The following ZNF507 variants were observed in gnomAD, a reference collection of about 807,000 sequenced individuals.
The protein encoded by ZNF507 is zinc finger protein 507.
ZNF507 carries 29 observed loss-of-function variants against 80.0 expected under a neutral mutation model. The observed-to-expected ratio is 0.36, with a 90% CI of 0.27 to 0.49. ZNF507 has a LOEUF of 0.49. ZNF507 is among the 20% of genes least tolerant of loss of function. The probability of loss-of-function intolerance (pLI) is 0.98; values close to 1 mark genes in which losing one functional copy is unlikely to be tolerated. For missense variants in ZNF507, 1,081 were observed against 1,152.2 expected, an observed-to-expected ratio of 0.94 and a Z score of 0.90; for synonymous variants, 462 against 422.5, an observed-to-expected ratio of 1.09 and a Z score of -1.15.
chr19:32,366,817 A>G (rs992904620), intron 5 of ZNF507, among the ~76,000 whole-genome samples: 3 of 152,250 alleles, frequency 2.0e-5, no homozygotes, highest in Non-Finnish European at 2.9e-5. Context: ...GGTTGTACCT[A>G]TTCACATCCT....
chr19:32,385,572 T>C lies in ZNF507; in HGVS notation c.*2489T>C, dbSNP rs1244690556. 1 of 152,260 alleles carries C rather than the reference T, an allele frequency of 6.6e-6. No homozygotes were observed. Among genetic ancestry groups the C allele is most frequent in the African/African-American group, 2.4e-5 (1 of 41,464 alleles). The allele number at this position is 152,260 out of a possible 1,614,324, so 9.4% of individuals were successfully genotyped here. ...GCTCACACCTGTAATCCCAATACTT[T>C]AGAAGGCCAAGGCTGGAGGACTGCT... On this transcript the variant is annotated 3_prime_UTR_variant, in exon 7 of 7. Transcript: ENST00000355898.
At chr19:32,377,076 G>A (rs1213389507) in intron 5 of ZNF507, among the ~76,000 whole-genome samples, 1 of 152,178 alleles carries the variant, frequency 6.6e-6, no homozygotes, top group East Asian at 1.9e-4. Context: ...GCATCACAGG[G>A]AGATGGTTAG....
chr19:32,367,385 T>TTTTCTTACTGATTTGCAGGAGC (rs1967413043), intron 5 of ZNF507, among the ~76,000 whole-genome samples: 2 of 152,218 alleles, frequency 1.3e-5, no homozygotes. Context: ...TCATCGGCTG[T>TTTTCTTACTGATTTGCAGGAGC]TTTCTTACTG....
chr19:32,375,724 A>G (rs928667977), intron 5 of ZNF507, among the ~76,000 whole-genome samples: 3 of 152,224 alleles, frequency 2.0e-5, no homozygotes, highest in Admixed American at 6.5e-5. Context: ...CATCACTTTT[A>G]TTTATAATTT....
In ZNF507 at chr19:32,354,527, C is replaced by T; in HGVS notation, c.1697C>T (p.Ala566Val). ...SLNQSNSTLV[A>V]LPEGRQELSD... ...AACCAAAGCAACTCCACCTTGGTAGCACTCCCAGAGGGTAGGCAGGAATTG... is the reference window on the plus strand; with the variant it reads ...AACCAAAGCAACTCCACCTTGGTAGTACTCCCAGAGGGTAGGCAGGAATTG... The change falls in exon 3 of 7, where the codon GCA becomes GTA. Residue 566 changes from alanine to valine, a missense_variant. Physicochemically the swap from Ala to Val is moderately conservative, Grantham distance 64. Around this residue, in one of 6 missense-constraint regions of ZNF507, gnomAD observed 614 missense variants for 583.9 expected, o/e 1.05. Coordinates refer to ENST00000355898, the MANE Select transcript of ZNF507 (RefSeq NM_001136156.2). The T allele has an allele frequency of 6.2e-7, 1 of 1,614,166 alleles. No homozygotes were observed. The highest frequency in any genetic ancestry group is 1.1e-5 in the South Asian group (1 of 91,082).
chr19:32,373,222 G>A (rs1378000933), intron 5 of ZNF507, among the ~76,000 whole-genome samples: 3 of 151,594 alleles, frequency 2.0e-5, no homozygotes, highest in Non-Finnish European at 4.4e-5. Context: ...TTTCGGGGGG[G>A]GCACATACAT....
In ZNF507 at chr19:32,353,322, T is replaced by C. The variant is rs201252153; in HGVS notation, c.492T>C (p.Ser164=). ...TGTGCTCAGAGTGCCATATTACATCTAGAAGCCAGGAGGAACTTGAAGCCC... is the reference window on the plus strand; with the variant it reads ...TGTGCTCAGAGTGCCATATTACATCCAGAAGCCAGGAGGAACTTGAAGCCC... ...ILMCSECHIT[S]RSQEELEAHV... is the part of the protein sequence containing the mutation. The change falls in exon 3 of 7, where the codon TCT becomes TCC. Residue 164 remains serine, a synonymous_variant. Transcript: ENST00000355898. 2.6e-5 allele frequency: 42 copies of C among 1,614,092 alleles called. No individual in the cohort carries two copies. Among genetic ancestry groups the C allele is most frequent in the Non-Finnish European group, 3.5e-5 (41 of 1,180,044 alleles).
Position 32,382,879 on chromosome 19 carries a change from A to G in ZNF507, c.2658A>G (p.Thr886=). The part of the protein sequence containing the change: ...GTNENEKLSP[T]SNTSYSLEKI... ...ACGAGAATGAGAAACTGAGCCCTAC[A>G]AGTAATACCTCATATAGTTTAGAAA... The change falls in exon 7 of 7, where the codon ACA becomes ACG. Residue 886 remains threonine (T), a synonymous_variant. Transcript: ENST00000355898. 6.2e-7 allele frequency: 1 copy of G among 1,614,108 alleles called. No individual in the cohort carries two copies. The highest frequency in any genetic ancestry group is 8.5e-7 in the Non-Finnish European group (1 of 1,180,012).
chr19:32,351,152 T>C (rs1967157246), intron 2 of ZNF507, among the ~76,000 whole-genome samples: 1 of 152,152 alleles, frequency 6.6e-6, no homozygotes. Context: ...AGGGTAGCTG[T>C]CATTGTTGGA....
rs1967088507 is a variant in ZNF507, at chr19:32,345,788, CGCG to C, written c.-97+6_-97+8del. On this transcript the variant is annotated splice_donor_region_variant and intron_variant, in intron 1 of 6. Coordinates refer to ENST00000355898, the MANE Select transcript of ZNF507 (RefSeq NM_001136156.2). The stretch of plus-strand genomic sequence containing the variant: ...GCAGCCGCCGCCTGACCGCAGGTAC[CGCG>C]CCCCGGGGCCGCCCCTCCGCCCGCT... The C allele has an allele frequency of 6.5e-6, 1 of 154,426 alleles. No homozygotes were observed. The highest frequency in any genetic ancestry group is 1.9e-4 in the East Asian group (1 of 5,268). 9.6% of individuals were successfully genotyped at this position (154,426 alleles called of 1,614,324 possible).
chr19:32,369,503 A>G (rs1400507070), intron 5 of ZNF507, among the ~76,000 whole-genome samples: 1 of 152,146 alleles, frequency 6.6e-6, no homozygotes, highest in African/African-American at 2.4e-5. Context: ...TTTTTGGCCA[A>G]TGGATGGGTT....
chr19:32,348,963 A>G (rs1695212151), intron 2 of ZNF507, among the ~76,000 whole-genome samples: 2 of 152,222 alleles, frequency 1.3e-5, no homozygotes, highest in Non-Finnish European at 2.9e-5. Flanking sequence ...AATGAGGATA[A>G]TTCAAGGAAG....
chr19:32,366,292 A>G (rs190338662), intron 5 of ZNF507, among the ~76,000 whole-genome samples: 33 of 152,354 alleles, frequency 2.2e-4, no homozygotes, highest in Admixed American at 4.6e-4. Flanking sequence ...GAATAATCAC[A>G]AATTAAACTC....
At chr19:32,350,166 C>T (rs1042016117) in intron 2 of ZNF507, among the ~76,000 whole-genome samples, 2 of 149,938 alleles carry the variant, frequency 1.3e-5, no homozygotes, top group Non-Finnish European at 1.5e-5. Context: ...AACTTCCCCT[C>T]TGTGTATACT....
Position 32,356,913 on chromosome 19 carries a change from A to G in ZNF507, c.2245+180A>G, listed in dbSNP as rs191297668. On this transcript the variant is annotated intron_variant, in intron 4 of 6. Transcript: ENST00000355898. ...AAATGCCAAGTACTGAATGAAGCAGATGATTACTAGGTCCTAGGTGAGAAG... is the reference window on the plus strand; with the variant it reads ...AAATGCCAAGTACTGAATGAAGCAGGTGATTACTAGGTCCTAGGTGAGAAG... 8 of 595,334 alleles carry G rather than the reference A, an allele frequency of 1.3e-5. No individual in the cohort carries two copies. The Admixed American group carries it at 2.0e-4, about 15-fold the overall frequency. The allele number at this position is 595,334 out of a possible 1,614,324, so 36.9% of individuals were successfully genotyped here.
chr19:32,382,816 A>G lies in ZNF507; in HGVS notation c.2595A>G (p.Glu865=), dbSNP rs576169283. The G allele has an allele frequency of 1.2e-6, 2 of 1,614,142 alleles. No individual in the cohort carries two copies. The highest frequency in any genetic ancestry group is 2.2e-5 in the East Asian group (1 of 44,870). ...GSSENAVSSS[E]LMSQTPSEVL... ...CAGAAAATGCAGTGTCATCTTCAGA[A>G]CTGATGTCCCAGACTCCCAGTGAAG... The change falls in exon 7 of 7, where the codon GAA becomes GAG. Residue 865 remains glutamate (E), a synonymous_variant. Coordinates refer to ENST00000355898, the MANE Select transcript of ZNF507 (RefSeq NM_001136156.2).
At chr19:32,378,567 C>T (rs1018884183) in intron 5 of ZNF507, among the ~76,000 whole-genome samples, 2 of 151,596 alleles carry the variant, frequency 1.3e-5, no homozygotes, top group Admixed American at 6.6e-5. Flanking sequence ...AGGAAGGTAA[C>T]ATGTTAACAG....
chr19:32,354,866 A>G lies in ZNF507; in HGVS notation c.2036A>G (p.Asp679Gly). The G allele has an allele frequency of 6.2e-7, 1 of 1,614,224 alleles. No homozygotes were observed. Among genetic ancestry groups the G allele is most frequent in the Non-Finnish European group, 8.5e-7 (1 of 1,180,034 alleles). ...YQCPICEHIA[D>G]NSKDLESHMI... ...TGTCCTATCTGCGAGCACATAGCGG[A>G]CAACAGCAAAGATTTGGAGAGTCAC... Residue 679 changes from aspartate (D) to glycine (G), a missense_variant, in exon 3 of 7, where the codon GAC (aspartate) becomes GGC (glycine). Asp to Gly is a moderately conservative substitution (Grantham distance 94). This residue lies in a region of ZNF507 where 614 missense variants were observed against 583.9 expected (regional missense o/e 1.05). Coordinates refer to ENST00000355898, the MANE Select transcript of ZNF507 (RefSeq NM_001136156.2).
In ZNF507 at chr19:32,376,732, A is replaced by G. The variant is rs146041015; in HGVS notation, c.2361-5735A>G. On this transcript the variant is annotated intron_variant, in intron 5 of 6. Coordinates refer to ENST00000355898, the MANE Select transcript of ZNF507 (RefSeq NM_001136156.2). Reference sequence around the variant, plus strand: ...CAGCTGGGCCTGCGGGACCACTACTACCAAGACGCGGAGACCGGTAGTGGC... The same window carrying G: ...CAGCTGGGCCTGCGGGACCACTACTGCCAAGACGCGGAGACCGGTAGTGGC... Among the ~76,000 whole-genome samples, 967 of 152,344 alleles carry G rather than the reference A, an allele frequency of 6.3e-3. 6 individuals are homozygous for G. Among genetic ancestry groups the G allele is most frequent in the Admixed American group, 0.02 (305 of 15,310 alleles).
Sources: gnomAD v4.1 joint callset for allele counts (sites outside exome capture counted in the v4.1 genomes callset) on GRCh38, gnomAD v4.1.1 for gene constraint, gnomAD v4.1.1 regional missense constraint, MANE v1.5 for transcripts, NCBI Gene and HGNC (gene_info 2026-07-23, HGNC 2026-07-21) for gene names.